SPOCK1: variants seen among roughly 807,000 people sequenced by gnomAD.
The protein encoded by SPOCK1 is testican-1.
In SPOCK1, 23 loss-of-function variants were observed where a neutral mutation model predicts 55.3. The observed-to-expected ratio is 0.42, with a 90% CI of 0.30 to 0.59. The LOEUF (loss-of-function observed/expected upper bound fraction) is 0.59, where lower values mean the gene tolerates loss of function less well. Among genes scored for constraint, SPOCK1 ranks in the 20% least tolerant of loss-of-function variants. The probability of loss-of-function intolerance (pLI) is 0.22; values close to 1 mark genes in which losing one functional copy is unlikely to be tolerated. For synonymous variants in SPOCK1, 226 were observed against 221.0 expected, an observed-to-expected ratio of 1.02 and a Z score of -0.20; for missense variants, 499 against 552.5, an observed-to-expected ratio of 0.90 and a Z score of 0.97.
At position 137,087,325 on chromosome 5, in the gene SPOCK1, A is replaced by G. The variant is rs1431582159; in HGVS notation, c.475-19496T>C. On this transcript the variant is annotated intron_variant, in intron 5 of 10. Transcript: ENST00000394945. ...GCATGGGCTCAGCTGCATGAACTCAAACAAGGCAGTATATCTCTCTGCGCT... is the reference window on the plus strand; with the variant it reads ...GCATGGGCTCAGCTGCATGAACTCAGACAAGGCAGTATATCTCTCTGCGCT... Among the ~76,000 whole-genome samples, 3 of 152,340 alleles carry G rather than the reference A, an allele frequency of 2.0e-5. No homozygotes were observed. In the East Asian group the frequency reaches 5.8e-4, roughly 29 times the overall value.
chr5:137,354,789 A>G (rs948420642), intron 2 of SPOCK1, among the ~76,000 whole-genome samples: 2 of 152,168 alleles, frequency 1.3e-5, no homozygotes, highest in Non-Finnish European at 2.9e-5. Flanking sequence ...AGCACCCAGG[A>G]AAGGATTGGC....
At chr5:137,439,128 A>C (rs1752930581) in intron 2 of SPOCK1, among the ~76,000 whole-genome samples, 1 of 152,230 alleles carries the variant, frequency 6.6e-6, no homozygotes, top group Non-Finnish European at 1.5e-5. Flanking sequence ...GTCACACGAA[A>C]CAGACAAGGG....
At chr5:137,445,286 G>A (rs954319753) in intron 2 of SPOCK1, among the ~76,000 whole-genome samples, 60 of 152,268 alleles carry the variant, frequency 3.9e-4, no homozygotes, top group African/African-American at 1.4e-3. Context: ...ATGAAACTGG[G>A]TGTGGCTAAT....
chr5:137,050,723 T>C (rs1752190172), intron 6 of SPOCK1, among the ~76,000 whole-genome samples: 4 of 152,240 alleles, frequency 2.6e-5, no homozygotes, highest in Admixed American at 2.6e-4. Flanking sequence ...CTGCAGATGA[T>C]ATCATTTTCT....
chr5:137,108,648 T>C (rs1375319632), intron 5 of SPOCK1, among the ~76,000 whole-genome samples: 1 of 152,208 alleles, frequency 6.6e-6, no homozygotes, highest in Non-Finnish European at 1.5e-5. Context: ...AAGATGGCTT[T>C]AGACATCTTC....
chr5:137,375,441 C>T (rs957212194), intron 2 of SPOCK1, among the ~76,000 whole-genome samples: 2 of 152,154 alleles, frequency 1.3e-5, no homozygotes, highest in African/African-American at 4.8e-5. Flanking sequence ...CTGGGAAGGG[C>T]ACTAGAGGGC....
chr5:137,422,803 T>C (rs1390908657), intron 2 of SPOCK1, among the ~76,000 whole-genome samples: 2 of 152,244 alleles, frequency 1.3e-5, no homozygotes, highest in African/African-American at 4.8e-5. Context: ...TCATTCTCTG[T>C]CCAGCTTTGT....
At chr5:137,336,563 G>A (rs754232544) in intron 2 of SPOCK1, among the ~76,000 whole-genome samples, 3 of 152,200 alleles carry the variant, frequency 2.0e-5, no homozygotes, top group Non-Finnish European at 4.4e-5. Context: ...AGAGCAGAAA[G>A]CAGAGAACAG....
At chr5:137,445,560 G>A (rs981432633) in intron 2 of SPOCK1, among the ~76,000 whole-genome samples, 1 of 152,232 alleles carries the variant, frequency 6.6e-6, no homozygotes, top group African/African-American at 2.4e-5. Flanking sequence ...AGGGAAGAGG[G>A]AGTCAAAGTT....
chr5:137,120,727 G>T (rs142580491), intron 4 of SPOCK1, among the ~76,000 whole-genome samples: 1 of 152,292 alleles, frequency 6.6e-6, no homozygotes, highest in African/African-American at 2.4e-5. Context: ...TTGCGACCAT[G>T]TATCACTGAT....
chr5:137,070,890 C>T (rs550546380), intron 5 of SPOCK1, among the ~76,000 whole-genome samples: 129 of 152,292 alleles, frequency 8.5e-4, no homozygotes, highest in African/African-American at 2.9e-3. Context: ...CAGAAAGACA[C>T]CACCAGAGAA....
intron 3 of SPOCK1, among the ~76,000 whole-genome samples, chr5:137,183,799 A>G (rs1340940785): frequency 1.3e-5 from 2 of 152,234 alleles, no homozygotes; most frequent in Admixed American, 6.5e-5. Flanking sequence ...ACTCCTCATC[A>G]GCAGGCAGGA....
At chr5:137,199,943 C>G (rs1277439683) in intron 3 of SPOCK1, among the ~76,000 whole-genome samples, 1 of 152,158 alleles carries the variant, frequency 6.6e-6, no homozygotes, top group Non-Finnish European at 1.5e-5. Flanking sequence ...ACTCCAGCAG[C>G]AAACTCACCA....
chr5:137,138,735 A>ACATAC (rs1754039616), intron 4 of SPOCK1, among the ~76,000 whole-genome samples: 2 of 145,976 alleles, frequency 1.4e-5, no homozygotes, highest in Admixed American at 7.0e-5. Flanking sequence ...GTATTTTTTT[A>ACATAC]CATACCACTC....
chr5:137,425,278 C>G (rs1752584546), intron 2 of SPOCK1, among the ~76,000 whole-genome samples: 1 of 152,118 alleles, frequency 6.6e-6, no homozygotes, highest in Non-Finnish European at 1.5e-5. Context: ...TCCCATAAAG[C>G]ATTGGTATGG....
intron 7 of SPOCK1, 128 bp from the exon 8 acceptor site, chr5:136,988,771 C>A: frequency 1.4e-6 from 1 of 737,748 alleles, no homozygotes; most frequent in South Asian, 2.4e-5. Context: ...TGTTTCCTTC[C>A]CAGCATACAG....
At chr5:137,207,840 T>C (rs569016925) in intron 3 of SPOCK1, among the ~76,000 whole-genome samples, 2 of 152,210 alleles carry the variant, frequency 1.3e-5, no homozygotes, top group Non-Finnish European at 2.9e-5. Context: ...TTGCCATTGG[T>C]TATTATTTTT....
intron 3 of SPOCK1, among the ~76,000 whole-genome samples, chr5:137,184,055 G>A (rs1477084696): frequency 6.6e-6 from 1 of 152,170 alleles, no homozygotes; most frequent in Non-Finnish European, 1.5e-5. Flanking sequence ...AATTGCTAAG[G>A]TGTGGCCTTA....
chr5:137,308,012 A>G (rs1356966715), intron 2 of SPOCK1, among the ~76,000 whole-genome samples: 1 of 152,224 alleles, frequency 6.6e-6, no homozygotes, highest in Non-Finnish European at 1.5e-5. Context: ...TAAAATGATG[A>G]TATACACAAA....
Sources: gnomAD v4.1 joint callset for allele counts (sites outside exome capture counted in the v4.1 genomes callset) on GRCh38, gnomAD v4.1.1 for gene constraint, MANE v1.5 for transcripts, NCBI Gene and HGNC (gene_info 2026-07-23, HGNC 2026-07-21) for gene names.